The following ZFAND3 variants were observed in gnomAD, a reference collection of about 807,000 sequenced individuals.
ZFAND3 encodes the protein zinc finger AN1-type containing 3.
A neutral mutation model predicts 29.6 loss-of-function variants in ZFAND3; 10 were observed. The ratio of observed to expected loss-of-function variants is 0.34; its 90% confidence interval spans 0.21 to 0.57. The LOEUF (loss-of-function observed/expected upper bound fraction) is 0.57. Among genes scored for constraint, ZFAND3 ranks in the 20% least tolerant of loss-of-function variants. The probability of loss-of-function intolerance (pLI) is 0.86; values close to 1 mark genes in which losing one functional copy is unlikely to be tolerated. For synonymous variants in ZFAND3, 128 were observed against 112.6 expected (o/e 1.14, Z -0.87); for missense variants, 230 against 304.5 (o/e 0.76, Z 1.82).
intron 2 of ZFAND3, among the ~76,000 whole-genome samples, chr6:38,024,680 T>C (rs867753863): frequency 6.6e-6 from 1 of 152,120 alleles, no homozygotes; most frequent in African/African-American, 2.4e-5. Context: ...TCAAAAACAT[T>C]TATGTCAAGT....
intron 3 of ZFAND3, among the ~76,000 whole-genome samples, chr6:38,076,580 C>A (rs1295488486): frequency 2.0e-5 from 3 of 152,302 alleles, no homozygotes; most frequent in East Asian, 3.9e-4. Context: ...AGATCATGCA[C>A]TGAGTTAGGA....
At chr6:37,912,105 G>A (rs1464942316) in intron 1 of ZFAND3, among the ~76,000 whole-genome samples, 2 of 150,694 alleles carry the variant, frequency 1.3e-5, no homozygotes, top group African/African-American at 4.9e-5. Context: ...GTGAGAGGTG[G>A]CAAGTTTTGT....
At chr6:37,869,379 G>A (rs866765517) in intron 1 of ZFAND3, among the ~76,000 whole-genome samples, 2 of 152,022 alleles carry the variant, frequency 1.3e-5, no homozygotes, top group African/African-American at 2.4e-5. Context: ...GGCTGGTCTC[G>A]AACTCCTGAC....
intron 1 of ZFAND3, among the ~76,000 whole-genome samples, chr6:37,856,241 C>G (rs927084436): frequency 2.0e-5 from 3 of 152,008 alleles, no homozygotes; most frequent in African/African-American, 7.3e-5. Flanking sequence ...GTGATCTGCC[C>G]CACTCGGCCT....
intron 2 of ZFAND3, among the ~76,000 whole-genome samples, chr6:38,053,386 A>G (rs976584195): frequency 3.3e-5 from 5 of 152,020 alleles, no homozygotes; most frequent in Admixed American, 6.6e-5. Context: ...AAAGATTTCA[A>G]TTAAGATGTT....
At chr6:37,964,449 TGAA>T (rs746274561) in intron 2 of ZFAND3, among the ~76,000 whole-genome samples, 20 of 152,242 alleles carry the variant, frequency 1.3e-4, no homozygotes, top group Admixed American at 9.8e-4. Context: ...TTGTGCAGGT[TGAA>T]GAAGAAGAAG....
intron 2 of ZFAND3, among the ~76,000 whole-genome samples, chr6:38,053,306 T>TC (rs1764066111): frequency 6.7e-6 from 1 of 150,044 alleles, no homozygotes; most frequent in South Asian, 2.1e-4. Flanking sequence ...TTCTTACAAT[T>TC]TTTTTTTTTT....
intron 1 of ZFAND3, among the ~76,000 whole-genome samples, chr6:37,836,006 T>G (rs1382637081): frequency 6.6e-6 from 1 of 152,184 alleles, no homozygotes; most frequent in Non-Finnish European, 1.5e-5. Context: ...AATCTAAGTG[T>G]GAAAATGCCT....
At chr6:38,084,499 C>G (rs1022716626) in intron 4 of ZFAND3, among the ~76,000 whole-genome samples, 9 of 152,054 alleles carry the variant, frequency 5.9e-5, no homozygotes, top group African/African-American at 2.2e-4. Flanking sequence ...TAGTGAGCAC[C>G]CATTAGATGG....
At chr6:37,992,265 A>G (rs907993580) in intron 2 of ZFAND3, among the ~76,000 whole-genome samples, 8 of 152,190 alleles carry the variant, frequency 5.3e-5, no homozygotes, top group Non-Finnish European at 5.9e-5. Context: ...TCAGCATTTA[A>G]TTTATCTTTT....
At chr6:37,936,263 C>T (rs1394242427) in intron 2 of ZFAND3, among the ~76,000 whole-genome samples, 5 of 152,166 alleles carry the variant, frequency 3.3e-5, no homozygotes, top group African/African-American at 1.2e-4. Flanking sequence ...TAATGTGACA[C>T]CATCTCTATC....
chr6:38,046,426 G>A (rs1457040563), intron 2 of ZFAND3, among the ~76,000 whole-genome samples: 2 of 152,212 alleles, frequency 1.3e-5, no homozygotes, highest in Non-Finnish European at 2.9e-5. Flanking sequence ...ATGCTTGCAA[G>A]TGAAGTAAAA....
At chr6:38,035,525 A>G (rs1763641175) in intron 2 of ZFAND3, among the ~76,000 whole-genome samples, 1 of 152,216 alleles carries the variant, frequency 6.6e-6, no homozygotes, top group African/African-American at 2.4e-5. Context: ...GTTCTGAGTT[A>G]TCAATATTGT....
chr6:37,959,928 A>C (rs894642450), intron 2 of ZFAND3, among the ~76,000 whole-genome samples: 3 of 152,332 alleles, frequency 2.0e-5, no homozygotes, highest in Admixed American at 1.3e-4. Flanking sequence ...GATTTTCTTG[A>C]ATATCTGCTT....
At chr6:37,969,760 AT>A (rs990131592) in intron 2 of ZFAND3, among the ~76,000 whole-genome samples, 8 of 151,578 alleles carry the variant, frequency 5.3e-5, no homozygotes, top group African/African-American at 1.7e-4. Context: ...ATTTGCTTTA[AT>A]TTTTTTTTCT....
At chr6:38,120,801 A>G in intron 5 of ZFAND3, among the ~76,000 whole-genome samples, 1 of 152,174 alleles carries the variant, frequency 6.6e-6, no homozygotes, top group East Asian at 1.9e-4. Flanking sequence ...GAGTAATCTG[A>G]CATCCTTTAT....
At chr6:38,035,965 T>G (rs1763649158) in intron 2 of ZFAND3, among the ~76,000 whole-genome samples, 1 of 152,222 alleles carries the variant, frequency 6.6e-6, no homozygotes, top group South Asian at 2.1e-4. Flanking sequence ...TTGTGGCATT[T>G]GAGCCACAAC....
At chr6:37,947,225 G>A (rs879331294) in intron 2 of ZFAND3, among the ~76,000 whole-genome samples, 1 of 152,116 alleles carries the variant, frequency 6.6e-6, no homozygotes, top group South Asian at 2.1e-4. Context: ...TTCTGTGACA[G>A]TAAACTAGTC....
At chr6:38,008,143 G>A (rs886759281) in intron 2 of ZFAND3, among the ~76,000 whole-genome samples, 1 of 152,048 alleles carries the variant, frequency 6.6e-6, no homozygotes, top group Non-Finnish European at 1.5e-5. Context: ...CATAGCCTTT[G>A]CCTTATCTAA....
Sources: allele counts gnomAD v4.1 joint callset (sites outside exome capture counted in the v4.1 genomes callset), GRCh38; gene constraint gnomAD v4.1.1; transcripts MANE v1.5; gene names NCBI Gene and HGNC (gene_info 2026-07-23, HGNC 2026-07-21).